The following ACOT8 variants were observed in gnomAD, a reference collection of about 807,000 sequenced individuals.
ACOT8 encodes acyl-coenzyme A thioesterase 8.
In ACOT8, 31 loss-of-function variants were observed where a neutral mutation model predicts 38.4. The ratio of observed to expected loss-of-function variants is 0.81; its 90% CI spans 0.61 to 1.09. The LOEUF is 1.09. Among genes scored for constraint, ACOT8 ranks in the 50% least tolerant of loss-of-function variants. ACOT8 has a pLI of 0.00. For synonymous variants in ACOT8, 158 were observed against 170.3 expected (o/e 0.93, Z 0.56); for missense variants, 373 against 421.8 (o/e 0.88, Z 1.01).
At chr20:45,845,539 G>A (rs1271649198) in intron 3 of ACOT8, among the ~76,000 whole-genome samples, 1 of 152,108 alleles carries the variant, frequency 6.6e-6, no homozygotes, top group East Asian at 1.9e-4. Context: ...GCCTGACTTG[G>A]CCTGAGTTAC....
chr20:45,853,777 GA>G, intron 2 of ACOT8: 1 of 470,902 alleles, frequency 2.1e-6, no homozygotes, highest in South Asian at 2.0e-5. Context: ...GGGCCGAGAA[GA>G]GGGGGGCCAA....
At chr20:45,854,022 T>G in intron 2 of ACOT8, 1 of 1,227,404 alleles carries the variant, frequency 8.1e-7, no homozygotes, top group Non-Finnish European at 1.0e-6. Context: ...CAGTGAGGGT[T>G]TTTTTTGTTT....
Position 45,848,588 on chromosome 20 carries a change from T to G in ACOT8, c.350A>C (p.His117Pro). 6.2e-7 allele frequency: 1 copy of G among 1,614,098 alleles called. No individual in the cohort carries two copies. The highest frequency in any genetic ancestry group is 8.5e-7 in the Non-Finnish European group (1 of 1,179,992). Residue 117 changes from histidine (H) to proline (P), a missense_variant, in exon 3 of 6, where the codon CAT becomes CCT. Transcript: ENST00000217455. ...CTGGCAGATGAAGATGGGCTTCCCA[T>G]GTTGCACGGCCTTCACAGAGCGCAC... ...FSVRSVKAVQ[H>P]GKPIFICQAS...
intron 2 of ACOT8, among the ~76,000 whole-genome samples, chr20:45,849,467 T>G (rs892034671): frequency 2.3e-5 from 2 of 85,320 alleles, no homozygotes; most frequent in Admixed American, 2.8e-4. Flanking sequence ...TTTTTTTTTT[T>G]TGAGAGACAG....
intron 3 of ACOT8, 55 bp downstream of exon 3, chr20:45,848,391 CACAA>C (rs1282401592): frequency 3.5e-6 from 5 of 1,440,358 alleles, no homozygotes; most frequent in South Asian, 1.4e-5. Context: ...TTCTATGACC[CACAA>C]ACAGATAGCA....
chr20:45,852,263 G>A (rs1985113739), intron 2 of ACOT8, among the ~76,000 whole-genome samples: 1 of 151,772 alleles, frequency 6.6e-6, no homozygotes, highest in East Asian at 1.9e-4. Context: ...CACCTCCAGG[G>A]TTCAAGCGAT....
chr20:45,843,542 C>G lies in ACOT8; in HGVS notation c.826G>C (p.Glu276Gln). ...CCACACTCACCGGCCCAGGGGCTCT[C>G]GCATTCATAGAGCATCCAGTGGTCA... ...RADHWMLYEC[E>Q]SPWAGGSRGL... is the part of the protein sequence containing the mutation. Residue 276 changes from glutamate (E) to glutamine (Q), a missense_variant, in exon 5 of 6, where the codon GAG (glutamate) becomes CAG (glutamine). By Grantham distance (29) the Glu-to-Gln change is conservative (BLOSUM62 2). Transcript: ENST00000217455. The G allele has an allele frequency of 2.5e-6, 4 of 1,609,400 alleles. No homozygotes were observed. The highest frequency in any genetic ancestry group is 2.2e-5 in the East Asian group (1 of 44,708).
In ACOT8 at chr20:45,844,547, G is replaced by A. The variant is rs967536511; in HGVS notation, c.489-127C>T. 4 of 1,097,426 alleles carry A rather than the reference G, an allele frequency of 3.6e-6. No individual in the cohort carries two copies. The African/African-American group carries it at 9.1e-5, about 25-fold the overall frequency. 68.0% of individuals were successfully genotyped at this position (1,097,426 alleles called of 1,614,324 possible). The stretch of plus-strand genomic sequence containing the variant: ...GATATCCCCAAAGCTCCCCTCCCCT[G>A]TGGCAGGCAGGATAGTGCAGCGTTT... On this transcript the variant is annotated intron_variant, in intron 3 of 5. Coordinates refer to ENST00000217455, the MANE Select transcript of ACOT8 (RefSeq NM_005469.4).
Position 45,844,288 on chromosome 20 carries a change from G to A in ACOT8, c.621C>T (p.Phe207=), listed in dbSNP as rs746525798. ...CAATATAGCCCCGGGCTCGCACCCA[G>A]AACATCTGTTTGGGCTCCATTCTCT... ...QLQRMEPKQM[F]WVRARGYIGE... Residue 207 remains phenylalanine, a synonymous_variant, in exon 4 of 6, where the codon TTC becomes TTT. Transcript: ENST00000217455. 13 of 1,614,208 alleles carry A rather than the reference G, an allele frequency of 8.1e-6. No homozygotes were observed. Among genetic ancestry groups the A allele is most frequent in the Non-Finnish European group, 1.1e-5 (13 of 1,180,034 alleles).
chr20:45,855,294 T>C lies in ACOT8; in HGVS notation c.129-2A>G. 23 of 1,613,958 alleles carry C rather than the reference T, an allele frequency of 1.4e-5. No individual in the cohort carries two copies. Among genetic ancestry groups the C allele is most frequent in the Non-Finnish European group, 1.9e-5 (23 of 1,180,008 alleles). The stretch of plus-strand genomic sequence containing the variant: ...GCCGGTACCCAGTAATGCCTTCCTC[T>C]GTAGGGAGAGGGGGAAAGAGGGAAA... On this transcript the variant is annotated splice_acceptor_variant, in intron 1 of 5. Transcript: ENST00000217455. LOFTEE classifies it high-confidence loss of function.
chr20:45,843,735 C>A lies in ACOT8; in HGVS notation c.647-14G>T. The A allele has an allele frequency of 6.2e-7, 1 of 1,605,042 alleles. No homozygotes were observed. The highest frequency in any genetic ancestry group is 1.1e-5 in the South Asian group (1 of 90,850). On this transcript the variant is annotated splice_polypyrimidine_tract_variant and intron_variant, in intron 4 of 5. Coordinates refer to ENST00000217455, the MANE Select transcript of ACOT8 (RefSeq NM_005469.4). ...TGTCGCCCTCGCCTGCAACAGGTCC[C>A]CATCAGCCCTGGGCTCCTGGGCTTT...
At position 45,855,151 on chromosome 20, in the gene ACOT8, G is replaced by A. The variant is rs1224292862; in HGVS notation, c.262+8C>T. On this transcript the variant is annotated splice_region_variant and intron_variant, in intron 2 of 5. Transcript: ENST00000217455. The stretch of plus-strand genomic sequence containing the variant: ...GGGTTGGGTTGGGGCAGGAAGTGGG[G>A]GGTTTACCTGCCCGAACAAAGTAGC... 1.2e-6 allele frequency: 2 copies of A among 1,613,712 alleles called. No individual in the cohort carries two copies. The highest frequency in any genetic ancestry group is 8.5e-7 in the Non-Finnish European group (1 of 1,179,794).
At chr20:45,852,144 G>A (rs1000294389) in intron 2 of ACOT8, among the ~76,000 whole-genome samples, 12 of 151,652 alleles carry the variant, frequency 7.9e-5, no homozygotes, top group African/African-American at 1.9e-4. Context: ...CTGGGATCAC[G>A]GGCTAAGGTC....
intron 3 of ACOT8, among the ~76,000 whole-genome samples, chr20:45,846,350 C>G (rs961795331): frequency 2.0e-5 from 3 of 150,952 alleles, no homozygotes; most frequent in Non-Finnish European, 4.4e-5. Flanking sequence ...AGTACTAGCA[C>G]GCTAAGTGCC....
chr20:45,848,328 A>G (rs747580169), intron 3 of ACOT8, 122 bp downstream of exon 3: 5 of 900,808 alleles, frequency 5.6e-6, no homozygotes, highest in Middle Eastern at 2.3e-4. Flanking sequence ...TCACTCCAGT[A>G]TCTTCTTTTC....
chr20:45,845,061 T>C (rs949853413), intron 3 of ACOT8, among the ~76,000 whole-genome samples: 3 of 151,194 alleles, frequency 2.0e-5, no homozygotes, highest in Admixed American at 6.6e-5. Flanking sequence ...GGACTAGAGG[T>C]GTACGCCACT....
At chr20:45,844,190 C>T (rs1465535136) in intron 4 of ACOT8, 73 bp downstream of exon 4, 1 of 1,592,788 alleles carries the variant, frequency 6.3e-7, no homozygotes, top group Admixed American at 1.7e-5. Flanking sequence ...AACTCATGTG[C>T]CCAAGGCCAC....
intron 2 of ACOT8, among the ~76,000 whole-genome samples, chr20:45,849,411 AG>A (rs1435739020): frequency 6.6e-6 from 1 of 150,458 alleles, no homozygotes; most frequent in Admixed American, 6.6e-5. Context: ...CAGCCTCCTG[AG>A]TGGGGGGGGA....
chr20:45,843,066 A>G (rs759037876), intron 5 of ACOT8: 1 of 1,146,340 alleles, frequency 8.7e-7, no homozygotes, highest in Non-Finnish European at 1.1e-6. Context: ...TTAAAAATAC[A>G]GTTTCCTGGA....
Sources: gnomAD v4.1 joint callset for allele counts (sites outside exome capture counted in the v4.1 genomes callset) on GRCh38, gnomAD v4.1.1 for gene constraint, MANE v1.5 for transcripts, NCBI Gene and HGNC (gene_info 2026-07-23, HGNC 2026-07-21) for gene names.